SACS: variants seen among roughly 807,000 people sequenced by gnomAD.
SACS encodes sacsin.
Under a neutral mutation model 348.0 loss-of-function variants are expected in SACS, and 197 were observed. The observed-to-expected ratio is 0.57, with a 90% CI of 0.50 to 0.64. The LOEUF (loss-of-function observed/expected upper bound fraction) is 0.64, where lower values mean the gene tolerates loss of function less well. Ranked by LOEUF, SACS falls within the 30% of genes least tolerant of loss-of-function variation. SACS has a pLI of 0.00. For synonymous variants in SACS, 1,985 were observed against 1,910.6 expected (o/e 1.04, Z -1.02); for missense variants, 4,999 against 5,360.8 (o/e 0.93, Z 2.11).
chr13:23,374,874 C>CA (rs898814328), intron 3 of SACS, among the ~76,000 whole-genome samples: 12 of 149,300 alleles, frequency 8.0e-5, no homozygotes, highest in East Asian at 2.0e-4. Context: ...CAATGTCCAC[C>CA]AAAAAAAATC....
At chr13:23,398,512 C>T (rs1231015847) in intron 2 of SACS, among the ~76,000 whole-genome samples, 7 of 132,490 alleles carry the variant, frequency 5.3e-5, no homozygotes, top group Admixed American at 8.6e-5. Flanking sequence ...CCAGCCTGGG[C>T]GACAAGAGTG....
chr13:23,354,488 T>C (rs776806671), intron 8 of SACS, 31 bp downstream of exon 8: 1 of 1,594,500 alleles, frequency 6.3e-7, no homozygotes, highest in Non-Finnish European at 8.6e-7. Context: ...ACCCTAAGAG[T>C]GAACAGGAAT....
chr13:23,341,614 G>C lies in SACS; in HGVS notation c.2262C>G (p.Phe754Leu), dbSNP rs894022475. 1.9e-6 allele frequency: 3 copies of C among 1,613,590 alleles called. No homozygotes were observed. Among genetic ancestry groups the C allele is most frequent in the African/African-American group, 2.7e-5 (2 of 74,880 alleles). The change falls in exon 10 of 10, where the codon TTC becomes TTG. Residue 754 changes from phenylalanine to leucine, a missense_variant. By Grantham distance (22) the Phe-to-Leu change is conservative. Around this residue, in one of 6 missense-constraint regions of SACS, gnomAD observed 3,156 missense variants for 3,380.1 expected, o/e 0.93. Coordinates refer to ENST00000382292, the MANE Select transcript of SACS (RefSeq NM_014363.6). Reference protein sequence around the residue: ...ARLIKEVMNTFWPGRELIVQW... With the variant: ...ARLIKEVMNTLWPGRELIVQW... ...GAACAATCAATTCTCTGCCAGGCCA[G>C]AATGTATTCATTACTTCCTTGATAA...
rs41283958 is a variant in SACS at position 23,341,296 on chromosome 13, T to C, written c.2580A>G (p.Gln860=). 4.4e-4 allele frequency: 706 copies of C among 1,613,150 alleles called. 2 individuals are homozygous for C. Among genetic ancestry groups the C allele is most frequent in the Middle Eastern group, 2.6e-3 (16 of 6,060 alleles). Residue 860 remains glutamine, a synonymous_variant, in exon 10 of 10, where the codon CAA becomes CAG. Transcript: ENST00000382292. The stretch of plus-strand genomic sequence containing the variant: ...GAATATATTTTTTAATAAGCGGATG[T>C]TGTATAGATGCATCTAATTTTTTAA... The part of the protein sequence containing the change: ...FVLKKLDASI[Q]HPLIKKYIHS...
chr13:23,408,708 G>A (rs1593177383), intron 2 of SACS, among the ~76,000 whole-genome samples: 1 of 152,136 alleles, frequency 6.6e-6, no homozygotes, highest in African/African-American at 2.4e-5. Flanking sequence ...GCTCACGCCT[G>A]GAATCCCAGC....
Position 23,338,638 on chromosome 13 carries a change from A to G in SACS, c.5238T>C (p.Asn1746=). Residue 1746 remains asparagine (N), a synonymous_variant, in exon 10 of 10, where the codon AAT becomes AAC. Transcript: ENST00000382292. Reference sequence around the variant, plus strand: ...TTGGTTCATCACTGGGAAGCTTTTTATTACTGCTGCTGCAAGTCTTCATGA... The same window carrying G: ...TTGGTTCATCACTGGGAAGCTTTTTGTTACTGCTGCTGCAAGTCTTCATGA... ...AKLMKTCSSS[N]KKLPSDEPKS... 6.2e-7 allele frequency: 1 copy of G among 1,614,168 alleles called. No individual in the cohort carries two copies. The highest frequency in any genetic ancestry group is 8.5e-7 in the Non-Finnish European group (1 of 1,180,014).
At chr13:23,365,086 A>G in intron 6 of SACS, 80 bp downstream of exon 6, 1 of 919,130 alleles carries the variant, frequency 1.1e-6, no homozygotes, top group South Asian at 1.5e-5. Flanking sequence ...TAGACTGTTC[A>G]TTAAACAAAG....
At chr13:23,401,216 A>C (rs1263765215) in intron 2 of SACS, among the ~76,000 whole-genome samples, 1 of 152,210 alleles carries the variant, frequency 6.6e-6, no homozygotes, top group Non-Finnish European at 1.5e-5. Context: ...GGAAAACTCA[A>C]GCTGGGAACT....
intron 8 of SACS, 22 bp downstream of exon 8, chr13:23,354,497 A>G (rs1190459526): frequency 2.5e-6 from 4 of 1,605,896 alleles, no homozygotes; most frequent in Non-Finnish European, 3.4e-6. Context: ...GTGAACAGGA[A>G]TGTTAGAAGG....
intron 2 of SACS, among the ~76,000 whole-genome samples, chr13:23,391,856 CCCATCAGTGT>C (rs1213047206): frequency 2.2e-5 from 2 of 91,858 alleles, no homozygotes; most frequent in Non-Finnish European, 4.9e-5. Context: ...CTGCAAAGTG[CCCATCAGTGT>C]GGGTTCCCTC....
chr13:23,341,753 T>C (rs1869253296), intron 9 of SACS, 63 bp from the exon 10 acceptor site: 2 of 972,450 alleles, frequency 2.1e-6, no homozygotes, highest in African/African-American at 3.3e-5. Flanking sequence ...CTTTCTATTC[T>C]CACAAATAAC....
rs1320208817 is a variant in SACS at position 23,335,211 on chromosome 13, G to A, written c.8665C>T (p.Leu2889=). 1 of 1,613,766 alleles carries A rather than the reference G, an allele frequency of 6.2e-7. No homozygotes were observed. The highest frequency in any genetic ancestry group is 1.3e-5 in the African/African-American group (1 of 74,884). The change falls in exon 10 of 10, where the codon CTG becomes TTG. Residue 2889 remains leucine, a synonymous_variant. Coordinates refer to ENST00000382292, the MANE Select transcript of SACS (RefSeq NM_014363.6). The surrounding 1 kb of genome is among the most constrained non-coding windows in gnomAD (Gnocchi z 4.7). ...CACAGGTTCCTTCTGGCTGAATCCA[G>A]TGCAAAGTGGCCATTCACATGAAAT... ...LPFHVNGHFA[L]DSARRNLWRD...
intron 7 of SACS, 84 bp downstream of exon 7, chr13:23,358,251 T>G: frequency 7.0e-7 from 1 of 1,434,056 alleles, no homozygotes; most frequent in Non-Finnish European, 9.8e-7. Flanking sequence ...TTAAACAGTA[T>G]CACCTCTGAA....
chr13:23,331,206 T>G lies in SACS; in HGVS notation c.12670A>C (p.Ile4224Leu), dbSNP rs764176149. The change falls in exon 10 of 10, where the codon ATA becomes CTA. Residue 4224 changes from isoleucine (I) to leucine (L), a missense_variant. Around this residue, in one of 6 missense-constraint regions of SACS, gnomAD observed 831 missense variants for 941.8 expected, o/e 0.88. Transcript: ENST00000382292. ...CTATAACCAATATCTATCTGATATA[T>G]CTTTCCTAGAAAACTAGAATTGTCA... ...DADNSSFLGKIYQIDIGYSEY... is the reference protein window; with the variant it reads ...DADNSSFLGKLYQIDIGYSEY... 1.9e-6 allele frequency: 3 copies of G among 1,613,754 alleles called. No homozygotes were observed. In the South Asian group the frequency reaches 3.3e-5, roughly 18 times the overall value.
At chr13:23,420,809 C>T (rs1264649688) in intron 1 of SACS, among the ~76,000 whole-genome samples, 1 of 151,994 alleles carries the variant, frequency 6.6e-6, no homozygotes, top group Non-Finnish European at 1.5e-5. Flanking sequence ...GAGTGGTGTC[C>T]ACCCAAGACA....
rs760505205 is a variant in SACS at position 23,330,760 on chromosome 13, T to C, written c.13116A>G (p.Ala4372=). 1 of 1,613,856 alleles carries C rather than the reference T, an allele frequency of 6.2e-7. No individual in the cohort carries two copies. Among genetic ancestry groups the C allele is most frequent in the South Asian group, 1.1e-5 (1 of 91,012 alleles). The change falls in exon 10 of 10, where the codon GCA becomes GCG. Residue 4372 remains alanine (A), a synonymous_variant. Coordinates refer to ENST00000382292, the MANE Select transcript of SACS (RefSeq NM_014363.6). ...AAAATGTTCGTCTGGAGGCCCTGTC[T>C]GCATTTTGATCTAGAAAAGCCTGTT... ...LEKQAFLDQN[A]DRASRRTFST... is the part of the protein sequence containing the mutation.
chr13:23,329,293 T>C lies in SACS; in HGVS notation c.*843A>G, dbSNP rs1039694823. On this transcript the variant is annotated 3_prime_UTR_variant, in exon 10 of 10. Coordinates refer to ENST00000382292, the MANE Select transcript of SACS (RefSeq NM_014363.6). ...GCAGCACCTTTAGACAACAAAAGAT[T>C]GCATCCTGTTCAACCACACTATATA... 3.4e-6 allele frequency: 2 copies of C among 594,434 alleles called. No individual in the cohort carries two copies. The highest frequency in any genetic ancestry group is 6.0e-6 in the Non-Finnish European group (2 of 334,796). 36.8% of individuals were successfully genotyped at this position (594,434 alleles called of 1,614,324 possible). A position where few individuals can be genotyped will look rare whatever the true frequency, so the allele number is the denominator to read the frequency against.
chr13:23,335,610 T>G lies in SACS; in HGVS notation c.8266A>C (p.Thr2756Pro). The G allele has an allele frequency of 6.2e-7, 1 of 1,613,866 alleles. No individual in the cohort carries two copies. Among genetic ancestry groups the G allele is most frequent in the Non-Finnish European group, 8.5e-7 (1 of 1,179,858 alleles). ...GAATACAGCACATTTAGAGCTCCAGTACTCTTATCTATTTCACAAATAGAA... is the reference window on the plus strand; with the variant it reads ...GAATACAGCACATTTAGAGCTCCAGGACTCTTATCTATTTCACAAATAGAA... Reference protein sequence around the residue: ...KISICEIDKSTGALNVLYSVK... With the variant: ...KISICEIDKSPGALNVLYSVK... Residue 2756 changes from threonine (T) to proline (P), a missense_variant, in exon 10 of 10, where the codon ACT becomes CCT. By Grantham distance (38) the Thr-to-Pro change is conservative. This residue lies in a region of SACS where 3,156 missense variants were observed against 3,380.1 expected (regional missense o/e 0.93). Transcript: ENST00000382292. This position sits in a 1 kb window ranked among gnomAD's most constrained non-coding sequence, Gnocchi z 4.7.
At chr13:23,407,728 C>T (rs775748838) in intron 2 of SACS, among the ~76,000 whole-genome samples, 3 of 152,192 alleles carry the variant, frequency 2.0e-5, no homozygotes, top group African/African-American at 4.8e-5. Flanking sequence ...GGCTCCCCCA[C>T]GCCCTCTTTT....
Sources: gnomAD v4.1 joint callset for allele counts (sites outside exome capture counted in the v4.1 genomes callset) on GRCh38, gnomAD v4.1.1 for gene constraint, gnomAD v4.1.1 regional missense constraint, Gnocchi (gnomAD v3.1) non-coding constraint, MANE v1.5 for transcripts, NCBI Gene and HGNC (gene_info 2026-07-23, HGNC 2026-07-21) for gene names.